Variants in AHR observed in about 807,000 individuals in gnomAD.
AHR encodes the protein aryl hydrocarbon receptor, also known as AH-receptor.
AHR carries 40 observed loss-of-function variants against 86.8 expected under a neutral mutation model. The observed-to-expected ratio is 0.46, with a 90% CI of 0.36 to 0.60. The LOEUF (loss-of-function observed/expected upper bound fraction) is 0.60. Ranked by LOEUF, AHR falls within the 20% of genes least tolerant of loss-of-function variation. The pLI, the probability that AHR is intolerant of heterozygous loss-of-function variation, is 0.00. For synonymous variants in AHR, 398 were observed against 354.9 expected, an observed-to-expected ratio of 1.12 and a Z score of -1.37; for missense variants, 1,001 against 1,011.6, an observed-to-expected ratio of 0.99 and a Z score of 0.14.
At chr7:17,310,273 A>G in intron 2 of AHR, 150 bp downstream of exon 2, 1 of 704,012 alleles carries the variant, frequency 1.4e-6, no homozygotes, top group Non-Finnish European at 2.2e-6. Context: ...AGCCAGATTT[A>G]TAAGTCTTAA....
intron 3 of AHR, among the ~76,000 whole-genome samples, chr7:17,323,531 A>G (rs1218715826): frequency 6.6e-6 from 1 of 152,100 alleles, no homozygotes; most frequent in Non-Finnish European, 1.5e-5. Flanking sequence ...ATTTTGTTGA[A>G]AAAAGATAGA....
At chr7:17,319,557 A>G (rs550313677) in intron 2 of AHR, among the ~76,000 whole-genome samples, 1 of 152,262 alleles carries the variant, frequency 6.6e-6, no homozygotes, top group African/African-American at 2.4e-5. Flanking sequence ...AATAGGATAT[A>G]ATACGTGGAA....
intron 2 of AHR, among the ~76,000 whole-genome samples, chr7:17,314,270 A>ATCTAAGTCTTG (rs1782094396): frequency 6.6e-6 from 1 of 152,098 alleles, no homozygotes; most frequent in Non-Finnish European, 1.5e-5. Flanking sequence ...ATGTTAGGGA[A>ATCTAAGTCTTG]AATCTAAGTC....
chr7:17,341,919 A>G (rs933994565), intron 10 of AHR, among the ~76,000 whole-genome samples: 10 of 152,170 alleles, frequency 6.6e-5, no homozygotes, highest in African/African-American at 2.2e-4. Flanking sequence ...GTTATGAGTA[A>G]TGAGAAAAAA....
chr7:17,329,078 T>TC (rs1782258068), intron 4 of AHR, among the ~76,000 whole-genome samples: 1 of 151,946 alleles, frequency 6.6e-6, no homozygotes, highest in Non-Finnish European at 1.5e-5. Context: ...TCCATTTTTT[T>TC]CTCGCATATA....
rs947773098 is a variant in AHR at position 17,302,523 on chromosome 7, T to A, written c.65+3194T>A. 2.6e-5 allele frequency among the ~76,000 whole-genome samples: 4 copies of A among 151,974 alleles called. No individual in the cohort carries two copies. The East Asian group carries it at 7.7e-4, about 29-fold the overall frequency. ...GAATGGGTCTTTTCATTTACACAAT[T>A]ATTTCTCCATCATTTTTCTTTCCAA... On this transcript the variant is annotated intron_variant, in intron 1 of 10. Transcript: ENST00000242057.
At position 17,339,324 on chromosome 7, in the gene AHR, C is replaced by A. The variant is rs372146849; in HGVS notation, c.1499C>A (p.Thr500Asn). Residue 500 changes from threonine (T) to asparagine (N), a missense_variant, in exon 10 of 11, where the codon ACT becomes AAT. Physicochemically the swap from Thr to Asn is moderately conservative, Grantham distance 65 (BLOSUM62 0). Coordinates refer to ENST00000242057, the MANE Select transcript of AHR (RefSeq NM_001621.5). Reference sequence around the variant, plus strand: ...GAATGCAGAAATTGGCAAGATAATACTGCACCGATGGGAAATGATACTATC... The same window carrying A: ...GAATGCAGAAATTGGCAAGATAATAATGCACCGATGGGAAATGATACTATC... ...MNECRNWQDN[T>N]APMGNDTILK... 3.1e-6 allele frequency: 5 copies of A among 1,614,066 alleles called. No individual in the cohort carries two copies. The highest frequency in any genetic ancestry group is 1.7e-5 in the Admixed American group (1 of 60,002).
chr7:17,330,498 A>G (rs1360503850), intron 5 of AHR, among the ~76,000 whole-genome samples: 1 of 151,960 alleles, frequency 6.6e-6, no homozygotes, highest in Non-Finnish European at 1.5e-5. Flanking sequence ...AGTGTTAAGA[A>G]AACAAAAATG....
Position 17,335,507 on chromosome 7 carries a change from A to T in AHR, c.1019-138A>T. The T allele has an allele frequency of 1.5e-6, 1 of 689,406 alleles. No homozygotes were observed. The highest frequency in any genetic ancestry group is 3.3e-5 in the South Asian group (1 of 30,356). The allele number at this position is 689,406 out of a possible 1,614,324, so 42.7% of individuals were successfully genotyped here. ...AAAAACTATTTCCATGCCTTTTATTATTTTTTGTTTAAAATTTATTGTCTT... is the reference window on the plus strand; with the variant it reads ...AAAAACTATTTCCATGCCTTTTATTTTTTTTTGTTTAAAATTTATTGTCTT... On this transcript the variant is annotated intron_variant, in intron 8 of 10. Transcript: ENST00000242057.
At chr7:17,308,494 A>G (rs1782028005) in intron 1 of AHR, among the ~76,000 whole-genome samples, 1 of 152,082 alleles carries the variant, frequency 6.6e-6, no homozygotes, top group Non-Finnish European at 1.5e-5. Context: ...CCAGTAGAGA[A>G]TTACACAATG....
At chr7:17,335,060 A>C (rs775877254) in intron 8 of AHR, 64 bp downstream of exon 8, 3 of 1,183,854 alleles carry the variant, frequency 2.5e-6, no homozygotes, top group South Asian at 1.3e-5. Flanking sequence ...ACATGTTTCA[A>C]ATTCTTACGT....
At position 17,322,518 on chromosome 7, in the gene AHR, C is replaced by T; in HGVS notation, c.271C>T (p.Pro91Ser). 2 of 1,610,372 alleles carry T rather than the reference C, an allele frequency of 1.2e-6. No homozygotes were observed. The highest frequency in any genetic ancestry group is 2.2e-5 in the South Asian group (2 of 90,770). Reference sequence around the variant, plus strand: ...TTCCATAGTTGCATTAAAATCCTCCCCTACTGAAAGAAACGGAGGCCAGGA... The same window carrying T: ...TTCCATAGTTGCATTAAAATCCTCCTCTACTGAAAGAAACGGAGGCCAGGA... ...SFFDVALKSSPTERNGGQDNC... is the reference protein window; with the variant it reads ...SFFDVALKSSSTERNGGQDNC... Residue 91 changes from proline to serine, a missense_variant, in exon 3 of 11, where the codon CCT becomes TCT. Physicochemically the swap from Pro to Ser is moderately conservative, Grantham distance 74. Around this residue, in one of 2 missense-constraint regions of AHR, gnomAD observed 394 missense variants for 468.5 expected, o/e 0.84. Transcript: ENST00000242057.
intron 1 of AHR, among the ~76,000 whole-genome samples, chr7:17,304,525 G>C (rs140003457): frequency 1.3e-3 from 194 of 152,096 alleles, no homozygotes; most frequent in African/African-American, 4.5e-3. Context: ...GTTTTGGTGT[G>C]GTTTTCTGGA....
At chr7:17,334,253 C>G (rs888540193) in intron 7 of AHR, 139 bp downstream of exon 7, 8 of 732,660 alleles carry the variant, frequency 1.1e-5, no homozygotes, top group Admixed American at 9.1e-5. Context: ...TCCAGTGTAG[C>G]CTTTTACAGT....
chr7:17,322,747 A>T (rs1782187786), intron 3 of AHR, 140 bp downstream of exon 3: 6 of 619,224 alleles, frequency 9.7e-6, no homozygotes, highest in Non-Finnish European at 1.7e-5. Flanking sequence ...GCGATAGTGA[A>T]TGATGCTTAA....
intron 1 of AHR, among the ~76,000 whole-genome samples, chr7:17,300,835 A>G (rs1240725047): frequency 6.6e-6 from 1 of 152,078 alleles, no homozygotes; most frequent in Non-Finnish European, 1.5e-5. Context: ...TAGGGGTGTC[A>G]TGGGTTTTAT....
chr7:17,336,944 A>G (rs764158341), intron 9 of AHR, among the ~76,000 whole-genome samples: 1 of 151,992 alleles, frequency 6.6e-6, no homozygotes, highest in Non-Finnish European at 1.5e-5. Flanking sequence ...TTCTTTGGGT[A>G]TAATTTATCA....
chr7:17,328,129 A>G (rs1782248444), intron 4 of AHR, among the ~76,000 whole-genome samples: 1 of 151,958 alleles, frequency 6.6e-6, no homozygotes, highest in Admixed American at 6.6e-5. Context: ...AGAAGATACA[A>G]AATTATTTGC....
Position 17,339,607 on chromosome 7 carries a change from C to A in AHR, c.1782C>A (p.Phe594Leu). 1.9e-6 allele frequency: 3 copies of A among 1,614,136 alleles called. No individual in the cohort carries two copies. The highest frequency in any genetic ancestry group is 2.5e-6 in the Non-Finnish European group (3 of 1,180,036). ...YVQDSLSKSPFIPSDYQQQQS... is the reference protein window; with the variant it reads ...YVQDSLSKSPLIPSDYQQQQS... ...AAGATTCTTTAAGTAAGTCTCCCTT[C>A]ATACCTTCAGATTATCAACAGCAAC... The change falls in exon 10 of 11, where the codon TTC becomes TTA. Residue 594 changes from phenylalanine to leucine, a missense_variant. Coordinates refer to ENST00000242057, the MANE Select transcript of AHR (RefSeq NM_001621.5).
Sources: allele counts gnomAD v4.1 joint callset (sites outside exome capture counted in the v4.1 genomes callset), GRCh38; gene constraint gnomAD v4.1.1; regional missense constraint gnomAD v4.1.1; transcripts MANE v1.5; gene names NCBI Gene and HGNC (gene_info 2026-07-23, HGNC 2026-07-21).